The following RNF38 variants were observed in gnomAD, a reference collection of about 807,000 sequenced individuals.
RNF38 encodes E3 ubiquitin-protein ligase RNF38.
In RNF38, 15 loss-of-function variants were observed where a neutral mutation model predicts 67.2. The ratio of observed to expected loss-of-function variants is 0.22; its 90% CI spans 0.15 to 0.34. The LOEUF (loss-of-function observed/expected upper bound fraction) is 0.34, where lower values mean the gene tolerates loss of function less well. RNF38 is among the 10% of genes least tolerant of loss of function. The probability of loss-of-function intolerance (pLI) is 1.00; values close to 1 mark genes in which losing one functional copy is unlikely to be tolerated. For missense variants in RNF38, 524 were observed against 639.9 expected (o/e 0.82, Z 1.95); for synonymous variants, 220 against 218.8 (o/e 1.01, Z -0.05).
At chr9:36,473,433 A>T (rs1319159375) in intron 1 of RNF38, among the ~76,000 whole-genome samples, 1 of 150,826 alleles carries the variant, frequency 6.6e-6, no homozygotes, top group Non-Finnish European at 1.5e-5. Context: ...ACTAAAATAC[A>T]AAAAATTAGC....
intron 3 of RNF38, among the ~76,000 whole-genome samples, chr9:36,371,537 C>T (rs1010358797): frequency 6.6e-6 from 1 of 151,124 alleles, no homozygotes; most frequent in Admixed American, 6.6e-5. Context: ...ACCTCTGCCT[C>T]CCAGGTTCAA....
chr9:36,350,725 T>C lies in RNF38; in HGVS notation c.1263+390A>G, dbSNP rs373013512. 1.2e-4 allele frequency among the ~76,000 whole-genome samples: 19 copies of C among 152,378 alleles called. No homozygotes were observed. The East Asian group carries it at 3.5e-3, about 28-fold the overall frequency. On this transcript the variant is annotated intron_variant, in intron 9 of 11. Transcript: ENST00000259605. ...ATCTACCTACCTGTTATCATAGCTA[T>C]GTGGTATTACATATTCAAATATCCT...
chr9:36,441,412 C>G (rs563639935), intron 1 of RNF38, among the ~76,000 whole-genome samples: 5 of 151,780 alleles, frequency 3.3e-5, no homozygotes, highest in Non-Finnish European at 5.9e-5. Context: ...CTGCAACCTC[C>G]GCCTCCTGGG....
chr9:36,477,616 T>C (rs1840150368), intron 1 of RNF38, among the ~76,000 whole-genome samples: 1 of 150,914 alleles, frequency 6.6e-6, no homozygotes. Flanking sequence ...GGTCAGGAGA[T>C]CGAGACCAAC....
At chr9:36,361,045 G>C (rs1834488072) in intron 4 of RNF38, among the ~76,000 whole-genome samples, 1 of 152,044 alleles carries the variant, frequency 6.6e-6, no homozygotes, top group African/African-American at 2.4e-5. Flanking sequence ...TCCAACTTTT[G>C]AGCTCATGTG....
At chr9:36,414,308 A>AT (rs1406720607) in intron 2 of RNF38, among the ~76,000 whole-genome samples, 3 of 151,942 alleles carry the variant, frequency 2.0e-5, no homozygotes, top group African/African-American at 7.2e-5. Context: ...ATATCTTGGT[A>AT]TTTTTTCCTT....
chr9:36,351,334 G>A, intron 8 of RNF38, 135 bp from the exon 9 acceptor site: 1 of 588,174 alleles, frequency 1.7e-6, no homozygotes, highest in Non-Finnish European at 2.9e-6. Context: ...CAAAACATAT[G>A]CAAGAACTGT....
rs760656387 is a variant in RNF38 at position 36,344,878 on chromosome 9, G to T, written c.1339C>A (p.Pro447Thr). 3.7e-6 allele frequency: 6 copies of T among 1,614,080 alleles called. No homozygotes were observed. ...GLTKADIEQL[P>T]SYRFNPNNHQ... is the part of the protein sequence containing the mutation. ...TTGTTAGGATTGAACCGATAAGAAG[G>T]AAGTTGTTCAATATCTGCTTTAGTC... The change falls in exon 10 of 12, where the codon CCT (proline) becomes ACT (threonine). Residue 447 changes from proline (P) to threonine (T), a missense_variant. This residue lies in a region of RNF38 where 63 missense variants were observed against 122.5 expected (regional missense o/e 0.51). Coordinates refer to ENST00000259605, the MANE Select transcript of RNF38 (RefSeq NM_022781.5).
At chr9:36,400,746 G>C (rs990480621), upstream of RNF38, 1 of 985,450 alleles carries the variant, frequency 1.0e-6, no homozygotes, top group Non-Finnish European at 1.2e-6. Context: ...ACCATCACAC[G>C]GGCCGCGCCA....
intron 1 of RNF38, among the ~76,000 whole-genome samples, chr9:36,463,613 A>C (rs112412901): frequency 6.6e-6 from 1 of 152,234 alleles, no homozygotes; most frequent in Non-Finnish European, 1.5e-5. Flanking sequence ...TAATGCAAAG[A>C]CGTGGTCACG....
chr9:36,414,424 C>G (rs907337128), intron 2 of RNF38, among the ~76,000 whole-genome samples: 2 of 152,108 alleles, frequency 1.3e-5, no homozygotes, highest in African/African-American at 4.8e-5. Flanking sequence ...GGGCTCACGC[C>G]TGTTCATCCC....
chr9:36,356,022 C>T (rs3930256), intron 6 of RNF38, among the ~76,000 whole-genome samples: 143,946 of 152,148 alleles, frequency 0.95, 68,576 homozygotes, highest in East Asian at 1. Context: ...AATTTTTGTA[C>T]TTTTAGTAGA....
intron 4 of RNF38, among the ~76,000 whole-genome samples, chr9:36,364,525 T>C (rs773505907): frequency 2.6e-5 from 4 of 152,246 alleles, no homozygotes; most frequent in Non-Finnish European, 5.9e-5. Flanking sequence ...ATATGTGGTC[T>C]GTTGGTCAAA....
intron 1 of RNF38, among the ~76,000 whole-genome samples, chr9:36,468,003 G>GA (rs1179949605): frequency 6.6e-6 from 1 of 152,166 alleles, no homozygotes; most frequent in Non-Finnish European, 1.5e-5. Flanking sequence ...AGCACTTTGG[G>GA]ATGCCAAGGT....
intron 1 of RNF38, among the ~76,000 whole-genome samples, chr9:36,475,502 C>A (rs141705786): frequency 0.05 from 7,599 of 151,658 alleles, 592 homozygotes; most frequent in African/African-American, 0.17. Flanking sequence ...GGATTACAGG[C>A]GCCCACCACC....
intron 1 of RNF38, among the ~76,000 whole-genome samples, chr9:36,446,393 T>C (rs1364014210): frequency 2.6e-5 from 4 of 152,180 alleles, no homozygotes; most frequent in Non-Finnish European, 5.9e-5. Context: ...TGAAATGCTT[T>C]TTTCTCCCCT....
At chr9:36,390,961 T>C (rs527433931) in intron 1 of RNF38, among the ~76,000 whole-genome samples, 1 of 152,230 alleles carries the variant, frequency 6.6e-6, no homozygotes, top group Admixed American at 6.5e-5. Flanking sequence ...TAAAATTACA[T>C]ATCTTAAGTA....
At chr9:36,400,862 G>C, upstream of RNF38, 3 of 948,612 alleles carry the variant, frequency 3.2e-6, no homozygotes, top group Non-Finnish European at 3.7e-6. Context: ...GCCCCGTCCC[G>C]CAACACCGCA....
intron 1 of RNF38, among the ~76,000 whole-genome samples, chr9:36,469,337 T>TC (rs397750520): frequency 4.0e-5 from 6 of 151,336 alleles, no homozygotes; most frequent in South Asian, 2.1e-4. Flanking sequence ...ATCTTTTTTT[T>TC]CCCCCACTAT....
Sources: allele counts gnomAD v4.1 joint callset (sites outside exome capture counted in the v4.1 genomes callset), GRCh38; gene constraint gnomAD v4.1.1; regional missense constraint gnomAD v4.1.1; transcripts MANE v1.5; gene names NCBI Gene and HGNC (gene_info 2026-07-23, HGNC 2026-07-21).